Variants in DAPL1 observed in about 807,000 individuals in gnomAD.
DAPL1 encodes death-associated protein-like 1.
DAPL1 carries 17 observed loss-of-function variants against 12.9 expected under a neutral mutation model. The observed-to-expected ratio is 1.32, with a 90% CI of 0.90 to 1.98. DAPL1 has a LOEUF of 1.98. Among genes scored for constraint, DAPL1 ranks in the 30% most tolerant of loss-of-function variants. The pLI is 0.00. For missense variants in DAPL1, 157 were observed against 125.7 expected (o/e 1.25, Z -1.19); for synonymous variants, 51 against 42.0 (o/e 1.21, Z -0.82).
At chr2:158,795,514 C>T (rs1036523035) in intron 1 of DAPL1, 84 bp downstream of exon 1, 34 of 1,313,082 alleles carry the variant, frequency 2.6e-5, no homozygotes, top group African/African-American at 1.0e-4. Flanking sequence ...CCCCGACAGA[C>T]GGAAGCTTCT....
chr2:158,813,699 T>G (rs13004210), intron 3 of DAPL1, among the ~76,000 whole-genome samples: 79,199 of 151,518 alleles, frequency 0.52, 21,957 homozygotes, highest in Middle Eastern at 0.67. Flanking sequence ...GGGACTACAG[T>G]CGCTCGCCAC....
intron 2 of DAPL1, 96 bp from the exon 3 acceptor site, chr2:158,806,959 A>G (rs1457231707): frequency 4.4e-6 from 4 of 901,270 alleles, no homozygotes; most frequent in Non-Finnish European, 5.3e-6. Context: ...AAGTGAAAGC[A>G]TAAAAGGCTG....
intron 1 of DAPL1, among the ~76,000 whole-genome samples, chr2:158,800,201 T>C (rs1002530806): frequency 2.0e-5 from 3 of 152,160 alleles, no homozygotes; most frequent in Non-Finnish European, 4.4e-5. Flanking sequence ...ATAATAAACA[T>C]AATCTAGTTC....
intron 3 of DAPL1, chr2:158,807,659 T>C (rs11690492): frequency 0.093 from 14,208 of 152,374 alleles, 766 homozygotes; most frequent in South Asian, 0.16. Flanking sequence ...TTTTCTTTTT[T>C]TCTTTGAGAC....
chr2:158,814,526 C>T (rs1444941160), intron 3 of DAPL1, among the ~76,000 whole-genome samples: 2 of 152,226 alleles, frequency 1.3e-5, no homozygotes, highest in African/African-American at 4.8e-5. Flanking sequence ...CCATTGCTAA[C>T]ACTTCAGTGT....
intron 1 of DAPL1, among the ~76,000 whole-genome samples, chr2:158,796,721 G>C (rs1170374188): frequency 1.3e-5 from 2 of 152,068 alleles, no homozygotes; most frequent in Non-Finnish European, 2.9e-5. Flanking sequence ...TATGCACAAA[G>C]AACACAGACA....
intron 2 of DAPL1, 95 bp from the exon 3 acceptor site, chr2:158,806,960 T>TA (rs2059205785): frequency 1.1e-6 from 1 of 912,956 alleles, no homozygotes; most frequent in Admixed American, 2.0e-5. Context: ...AGTGAAAGCA[T>TA]AAAAGGCTGG....
chr2:158,806,953 G>A (rs924293678), intron 2 of DAPL1, 102 bp from the exon 3 acceptor site: 26 of 838,246 alleles, frequency 3.1e-5, no homozygotes, highest in Middle Eastern at 2.2e-4. Context: ...TAAGCAAAGT[G>A]AAAGCATAAA....
chr2:158,806,593 G>A (rs182686404), intron 2 of DAPL1, among the ~76,000 whole-genome samples: 2 of 152,124 alleles, frequency 1.3e-5, no homozygotes, highest in African/African-American at 2.4e-5. Flanking sequence ...TCAGTACTTT[G>A]GGAGGCTGAG....
chr2:158,795,501 G>A (rs1575222476), intron 1 of DAPL1, 71 bp downstream of exon 1: 1 of 1,431,522 alleles, frequency 7.0e-7, no homozygotes, highest in Admixed American at 2.0e-5. Context: ...CTTCCATGGA[G>A]CACCCCGACA....
intron 2 of DAPL1, 75 bp downstream of exon 2, chr2:158,804,444 A>G (rs2059188396): frequency 9.1e-7 from 1 of 1,104,696 alleles, no homozygotes; most frequent in African/African-American, 1.6e-5. Flanking sequence ...ATTTTAGGAC[A>G]AACCAAGGCT....
intron 1 of DAPL1, among the ~76,000 whole-genome samples, chr2:158,800,457 G>T (rs1187183336): frequency 6.6e-6 from 1 of 152,144 alleles, no homozygotes; most frequent in Non-Finnish European, 1.5e-5. Flanking sequence ...ATTAGTAAGT[G>T]CCTACCATGC....
chr2:158,808,953 T>A (rs1439138591), intron 3 of DAPL1, among the ~76,000 whole-genome samples: 1 of 152,234 alleles, frequency 6.6e-6, no homozygotes, highest in Non-Finnish European at 1.5e-5. Flanking sequence ...ACATATCACC[T>A]CTTTATTTCA....
intron 1 of DAPL1, among the ~76,000 whole-genome samples, chr2:158,802,134 A>T (rs1278268389): frequency 6.6e-6 from 1 of 152,240 alleles, no homozygotes; most frequent in East Asian, 1.9e-4. Context: ...ATGGAGGAAC[A>T]ACAACTGTCA....
At chr2:158,804,247 T>C in intron 1 of DAPL1, 35 bp from the exon 2 acceptor site, 1 of 1,471,762 alleles carries the variant, frequency 6.8e-7, no homozygotes, top group Non-Finnish European at 9.4e-7. Flanking sequence ...TCTCTCACTG[T>C]TCTAACTTCC....
chr2:158,806,853 T>A (rs760342114), intron 2 of DAPL1, among the ~76,000 whole-genome samples: 285 of 130,460 alleles, frequency 2.2e-3, no homozygotes, highest in Middle Eastern at 7.2e-3. Context: ...AAAAAAATAA[T>A]AATAATAATA....
intron 1 of DAPL1, among the ~76,000 whole-genome samples, chr2:158,802,188 G>A (rs1456904541): frequency 2.0e-5 from 3 of 152,176 alleles, no homozygotes; most frequent in Non-Finnish European, 2.9e-5. Flanking sequence ...TCTGCTAAGG[G>A]CAATTTGGCA....
chr2:158,804,903 A>AT (rs2059192001), intron 2 of DAPL1, among the ~76,000 whole-genome samples: 1 of 152,210 alleles, frequency 6.6e-6, no homozygotes, highest in African/African-American at 2.4e-5. Flanking sequence ...CCACCATAAC[A>AT]TTGACGCCTG....
intron 3 of DAPL1, among the ~76,000 whole-genome samples, chr2:158,810,614 G>C (rs1176372466): frequency 6.6e-6 from 1 of 152,140 alleles, no homozygotes. Context: ...AAATCAAAGT[G>C]GGAAGCAGCC....
Sources: gnomAD v4.1 joint callset for allele counts (sites outside exome capture counted in the v4.1 genomes callset) on GRCh38, gnomAD v4.1.1 for gene constraint, MANE v1.5 for transcripts, NCBI Gene and HGNC (gene_info 2026-07-23, HGNC 2026-07-21) for gene names.